LRRC7: variants seen among roughly 807,000 people sequenced by gnomAD.
The protein encoded by LRRC7 is leucine rich repeat containing 7.
LRRC7 carries 23 observed loss-of-function variants against 175.7 expected under a neutral mutation model. The observed-to-expected ratio is 0.13, with a 90% confidence interval of 0.09 to 0.19. The LOEUF (loss-of-function observed/expected upper bound fraction) is 0.19, where lower values mean the gene tolerates loss of function less well. LRRC7 is among the 10% of genes least tolerant of loss of function. The probability of loss-of-function intolerance (pLI) is 1.00; values close to 1 mark genes in which losing one functional copy is unlikely to be tolerated. For synonymous variants in LRRC7, 685 were observed against 680.9 expected (o/e 1.01, Z -0.09); for missense variants, 1,354 against 1,904.7 (o/e 0.71, Z 5.38).
At chr1:69,888,666 A>T (rs960405927) in intron 7 of LRRC7, among the ~76,000 whole-genome samples, 1 of 152,160 alleles carries the variant, frequency 6.6e-6, no homozygotes, top group South Asian at 2.1e-4. Context: ...TCTAAGTGAA[A>T]TAAGCCAAAC....
chr1:69,717,850 A>AAG (rs1665692107), intron 2 of LRRC7, among the ~76,000 whole-genome samples: 1 of 28,792 alleles, frequency 3.5e-5, no homozygotes, highest in Non-Finnish European at 5.6e-5. Context: ...AAAAAGAAAG[A>AAG]AAGGAAAGAA....
rs530894798 is a variant in LRRC7 at position 69,835,810 on chromosome 1, T to C, written c.590+941T>C. Reference sequence around the variant, plus strand: ...AATATATTATGGTTCATCTATATGATAGCACTATATAATAATAATATTATC... The same window carrying C: ...AATATATTATGGTTCATCTATATGACAGCACTATATAATAATAATATTATC... On this transcript the variant is annotated intron_variant, in intron 6 of 26. Coordinates refer to ENST00000651989, the MANE Select transcript of LRRC7 (RefSeq NM_001370785.2). 2.6e-5 allele frequency among the ~76,000 whole-genome samples: 4 copies of C among 152,128 alleles called. 1 individual carries two copies. The highest frequency in any genetic ancestry group is 9.6e-5 in the African/African-American group (4 of 41,532).
At chr1:70,015,845 T>C (rs941188078) in intron 13 of LRRC7, among the ~76,000 whole-genome samples, 10 of 152,318 alleles carry the variant, frequency 6.6e-5, no homozygotes, top group Middle Eastern at 3.4e-3. Flanking sequence ...TTGGGAGCTG[T>C]ACCTTCCTTT....
chr1:69,883,161 T>C (rs1454453133), intron 7 of LRRC7, among the ~76,000 whole-genome samples: 1 of 151,926 alleles, frequency 6.6e-6, no homozygotes, highest in Non-Finnish European at 1.5e-5. Context: ...ATGGTATTTC[T>C]AATTCTAGAT....
intron 11 of LRRC7, among the ~76,000 whole-genome samples, chr1:69,997,490 G>A (rs1424974005): frequency 6.6e-6 from 1 of 151,744 alleles, no homozygotes; most frequent in Non-Finnish European, 1.5e-5. Flanking sequence ...GTTTTCAAAG[G>A]GAATGCTTCC....
rs779425542 is a variant in LRRC7 at position 70,039,299 on chromosome 1, A to G, written c.3475A>G (p.Ser1159Gly). 5.0e-6 allele frequency: 8 copies of G among 1,613,928 alleles called. No homozygotes were observed. Among genetic ancestry groups the G allele is most frequent in the South Asian group, 1.1e-5 (1 of 91,088 alleles). ...CCTGAGAAGGGCCGACTCCCTGGTGAGCGCCACAGAAATGGCCATGTTTAG... is the reference window on the plus strand; with the variant it reads ...CCTGAGAAGGGCCGACTCCCTGGTGGGCGCCACAGAAATGGCCATGTTTAG... ...GFLRRADSLV[S>G]ATEMAMFRRV... is the part of the protein sequence containing the mutation. The change falls in exon 21 of 27, where the codon AGC becomes GGC. Residue 1159 changes from serine (S) to glycine (G), a missense_variant. Around this residue, in one of 4 missense-constraint regions of LRRC7, gnomAD observed 1,032 missense variants for 1,227.2 expected, o/e 0.84. Coordinates refer to ENST00000651989, the MANE Select transcript of LRRC7 (RefSeq NM_001370785.2).
At chr1:70,089,185 C>T (rs1378293854) in intron 24 of LRRC7, among the ~76,000 whole-genome samples, 1 of 152,108 alleles carries the variant, frequency 6.6e-6, no homozygotes, top group African/African-American at 2.4e-5. Flanking sequence ...TACCCTCACA[C>T]AAGCTGTGGC....
intron 4 of LRRC7, among the ~76,000 whole-genome samples, chr1:69,815,504 A>T (rs995039877): frequency 6.6e-6 from 1 of 152,082 alleles, no homozygotes; most frequent in Non-Finnish European, 1.5e-5. Flanking sequence ...TTCTTAGGAA[A>T]TGTCATTTAT....
At chr1:69,637,419 A>G (rs1279022038) in intron 1 of LRRC7, among the ~76,000 whole-genome samples, 1 of 151,886 alleles carries the variant, frequency 6.6e-6, no homozygotes, top group Non-Finnish European at 1.5e-5. Context: ...GCAGAGTTGG[A>G]AAAAAGAGTA....
intron 13 of LRRC7, among the ~76,000 whole-genome samples, chr1:70,015,884 C>T (rs1421673052): frequency 6.6e-6 from 1 of 152,100 alleles, no homozygotes. Flanking sequence ...GCCCTTTGCC[C>T]TCATGGAGCC....
intron 8 of LRRC7, among the ~76,000 whole-genome samples, chr1:69,958,586 G>C (rs1650730194): frequency 2.0e-5 from 3 of 151,916 alleles, no homozygotes; most frequent in Admixed American, 1.3e-4. Context: ...GAGGTTGAAA[G>C]TGTATAGGAA....
In LRRC7 at chr1:70,005,531, T is replaced by G. The variant is rs17506411; in HGVS notation, c.1005-6266T>G. On this transcript the variant is annotated intron_variant, in intron 11 of 26. Transcript: ENST00000651989. ...AACATGAAACTAAAGTAGAGAAAAC[T>G]GTACAGAATATTTTTAGAAACTGAA... is the stretch of plus-strand genomic sequence containing the variant. Among the ~76,000 whole-genome samples, 39 of 152,186 alleles carry G rather than the reference T, an allele frequency of 2.6e-4. 1 individual carries two copies. Among genetic ancestry groups the G allele is most frequent in the Non-Finnish European group, 3.7e-4 (25 of 68,030 alleles).
In LRRC7 at chr1:70,097,224, C is replaced by T. The variant is rs186323840; in HGVS notation, c.4545+7405C>T. ...TTTATTAGTCAACATATCAAGAATT[C>T]ACAACTGTAGTGTCTTCTGGCACTT... On this transcript the variant is annotated intron_variant, in intron 25 of 26. Transcript: ENST00000651989. Among the ~76,000 whole-genome samples the T allele has an allele frequency of 3.5e-4, 53 of 152,266 alleles. No individual in the cohort carries two copies. The East Asian group carries it at 0.01, about 29-fold the overall frequency.
At chr1:69,926,579 T>C (rs1334812386) in intron 7 of LRRC7, among the ~76,000 whole-genome samples, 1 of 149,442 alleles carries the variant, frequency 6.7e-6, no homozygotes, top group African/African-American at 2.5e-5. Context: ...TCTTTGTCTC[T>C]TTTGATCTTT....
intron 1 of LRRC7, among the ~76,000 whole-genome samples, chr1:69,605,656 C>G (rs1362151688): frequency 6.6e-6 from 1 of 152,146 alleles, no homozygotes; most frequent in Non-Finnish European, 1.5e-5. Flanking sequence ...AGAAAATCCA[C>G]AACTGCCTCA....
chr1:69,990,004 A>G (rs1654284636), intron 10 of LRRC7, among the ~76,000 whole-genome samples: 2 of 152,144 alleles, frequency 1.3e-5, no homozygotes, highest in South Asian at 4.1e-4. Flanking sequence ...TTACAGGCAG[A>G]TTGGATTTCT....
Position 69,762,824 on chromosome 1 carries a change from A to G in LRRC7, c.303+2431A>G, listed in dbSNP as rs1277960482. Among the ~76,000 whole-genome samples, 3 of 152,084 alleles carry G rather than the reference A, an allele frequency of 2.0e-5. No homozygotes were observed. The East Asian group carries it at 5.8e-4, about 29-fold the overall frequency. On this transcript the variant is annotated intron_variant, in intron 3 of 26. Coordinates refer to ENST00000651989, the MANE Select transcript of LRRC7 (RefSeq NM_001370785.2). The stretch of plus-strand genomic sequence containing the variant: ...AATATAAGTACACCAAAGACTTAAT[A>G]TATTTTACCAGTGCATTATAGTTAA...
intron 11 of LRRC7, among the ~76,000 whole-genome samples, chr1:69,999,008 A>T (rs1557973387): frequency 6.6e-6 from 1 of 152,172 alleles, no homozygotes; most frequent in African/African-American, 2.4e-5. Flanking sequence ...GGAACAGGCA[A>T]CTTGAAGCTC....
chr1:69,855,628 G>A (rs1470687710), intron 7 of LRRC7, among the ~76,000 whole-genome samples: 1 of 152,110 alleles, frequency 6.6e-6, no homozygotes, highest in Non-Finnish European at 1.5e-5. Flanking sequence ...GAGTTCTGTA[G>A]ATGTCTATTA....
Sources: gnomAD v4.1 joint callset for allele counts (sites outside exome capture counted in the v4.1 genomes callset) on GRCh38, gnomAD v4.1.1 for gene constraint, gnomAD v4.1.1 regional missense constraint, MANE v1.5 for transcripts, NCBI Gene and HGNC (gene_info 2026-07-23, HGNC 2026-07-21) for gene names.